The following PLAAT3 variants were observed in gnomAD, a reference collection of about 807,000 sequenced individuals.
PLAAT3 encodes the protein phospholipase A and acyltransferase 3.
Under a neutral mutation model 16.7 loss-of-function variants are expected in PLAAT3, and 21 were observed. The observed-to-expected ratio is 1.26, with a 90% confidence interval of 0.89 to 1.81. The LOEUF (loss-of-function observed/expected upper bound fraction) is 1.81. PLAAT3 is among the 40% of genes most tolerant of loss of function. The probability of loss-of-function intolerance (pLI) is 0.00; values close to 1 mark genes in which losing one functional copy is unlikely to be tolerated. For synonymous variants in PLAAT3, 76 were observed against 81.7 expected, an observed-to-expected ratio of 0.93 and a Z score of 0.38; for missense variants, 219 against 213.7, an observed-to-expected ratio of 1.02 and a Z score of -0.16.
upstream of PLAAT3, among the ~76,000 whole-genome samples, chr11:63,615,328 ATATATGTGTGTATATATGTGTG>A (rs1469532503): frequency 5.2e-4 from 6 of 11,548 alleles, 1 homozygote; most frequent in Admixed American, 4.5e-3. Flanking sequence ...ATATGTGTGT[ATATATGTGTGTATATATGTGTG>A]TATATATATG....
At chr11:63,598,276 T>G in intron 2 of PLAAT3, 113 bp from the exon 3 acceptor site, 1 of 720,568 alleles carries the variant, frequency 1.4e-6, no homozygotes, top group Non-Finnish European at 2.5e-6. Flanking sequence ...CAGCAGAACA[T>G]ATGTCCTGAG....
chr11:63,598,795 G>C, intron 2 of PLAAT3: 1 of 490,952 alleles, frequency 2.0e-6, no homozygotes, highest in Non-Finnish European at 4.0e-6. Flanking sequence ...ACTGGCATCA[G>C]TCTCCAGCAG....
intron 3 of PLAAT3, among the ~76,000 whole-genome samples, chr11:63,591,788 T>C (rs1178687958): frequency 2.0e-5 from 3 of 152,240 alleles, no homozygotes; most frequent in Admixed American, 6.5e-5. Context: ...ATTGGAGCCC[T>C]GCGTTTGTCG....
At chr11:63,596,121 G>C (rs571634887) in intron 3 of PLAAT3, among the ~76,000 whole-genome samples, 1 of 151,150 alleles carries the variant, frequency 6.6e-6, no homozygotes, top group East Asian at 2.0e-4. Context: ...GGTGCCTGTA[G>C]TCCCAGCTAC....
chr11:63,610,583 T>C (rs1411714219), intron 2 of PLAAT3, among the ~76,000 whole-genome samples: 3 of 152,176 alleles, frequency 2.0e-5, no homozygotes, highest in Non-Finnish European at 2.9e-5. Flanking sequence ...CCAACTGCTA[T>C]TTAAGAAGGG....
At chr11:63,607,109 G>A (rs1449115442) in intron 2 of PLAAT3, among the ~76,000 whole-genome samples, 1 of 152,170 alleles carries the variant, frequency 6.6e-6, no homozygotes, top group Non-Finnish European at 1.5e-5. Context: ...AATGAGGTGG[G>A]GTGTGAAGGA....
chr11:63,608,988 A>G (rs1938630757), intron 2 of PLAAT3, among the ~76,000 whole-genome samples: 1 of 152,222 alleles, frequency 6.6e-6, no homozygotes, highest in Non-Finnish European at 1.5e-5. Flanking sequence ...CTCAGTAAAT[A>G]GGGCTTGATA....
At chr11:63,605,427 G>GT (rs1938529848) in intron 2 of PLAAT3, among the ~76,000 whole-genome samples, 1 of 152,038 alleles carries the variant, frequency 6.6e-6, no homozygotes, top group Admixed American at 6.6e-5. Flanking sequence ...GTTAAAGGAA[G>GT]TTTTTTAATG....
At chr11:63,614,139 G>A (rs781431877) in intron 1 of PLAAT3, 71 bp from the exon 2 acceptor site, 7 of 1,338,550 alleles carry the variant, frequency 5.2e-6, no homozygotes, top group Non-Finnish European at 7.5e-6. Flanking sequence ...CGGGACTGCG[G>A]CTTCTGTTGG....
chr11:63,575,105 C>T, intron 4 of PLAAT3, 59 bp from the exon 5 acceptor site: 1 of 1,174,846 alleles, frequency 8.5e-7, no homozygotes. Flanking sequence ...ACAGGCTGCA[C>T]ATTCAGCAGA....
chr11:63,584,615 G>A (rs1011296854), intron 4 of PLAAT3, among the ~76,000 whole-genome samples: 3 of 150,582 alleles, frequency 2.0e-5, no homozygotes, highest in Admixed American at 6.7e-5. Flanking sequence ...CTGGGTTCAC[G>A]CCATTCTCCT....
intron 3 of PLAAT3, among the ~76,000 whole-genome samples, chr11:63,595,011 C>T (rs1260204150): frequency 1.3e-5 from 2 of 152,118 alleles, no homozygotes; most frequent in Non-Finnish European, 2.9e-5. Flanking sequence ...TGTTCAAGGG[C>T]CGTGCGCGGT....
intron 3 of PLAAT3, among the ~76,000 whole-genome samples, chr11:63,591,857 G>A (rs1277893321): frequency 4.3e-4 from 65 of 152,326 alleles, no homozygotes; most frequent in Middle Eastern, 3.4e-3. Flanking sequence ...GGGTGACAGC[G>A]CAGGGACTCG....
intron 4 of PLAAT3, among the ~76,000 whole-genome samples, chr11:63,589,389 C>G (rs1230387467): frequency 8.0e-6 from 1 of 124,758 alleles, no homozygotes; most frequent in African/African-American, 3.1e-5. Flanking sequence ...AGAACCTTCC[C>G]AATGTTCTTT....
intron 4 of PLAAT3, among the ~76,000 whole-genome samples, chr11:63,575,938 A>G (rs1364654951): frequency 6.6e-6 from 1 of 152,220 alleles, no homozygotes; most frequent in Non-Finnish European, 1.5e-5. Flanking sequence ...CTGAACGTTT[A>G]TTCTTTGCAG....
At chr11:63,593,695 C>G (rs1027385496) in intron 3 of PLAAT3, among the ~76,000 whole-genome samples, 2 of 152,086 alleles carry the variant, frequency 1.3e-5, no homozygotes, top group African/African-American at 4.8e-5. Flanking sequence ...CTGCTCGTGC[C>G]TCAGCCTCCA....
intron 4 of PLAAT3, among the ~76,000 whole-genome samples, chr11:63,584,192 A>C (rs183923369): frequency 6.6e-6 from 1 of 152,216 alleles, no homozygotes; most frequent in African/African-American, 2.4e-5. Context: ...GATTTATGTA[A>C]TATATGTATT....
chr11:63,599,810 A>G (rs980330692), intron 2 of PLAAT3, among the ~76,000 whole-genome samples: 5 of 152,150 alleles, frequency 3.3e-5, no homozygotes, highest in Non-Finnish European at 5.9e-5. Context: ...AGACAAGGAC[A>G]TAAAGACTGG....
chr11:63,607,079 C>T (rs1339356846), intron 2 of PLAAT3, among the ~76,000 whole-genome samples: 1 of 152,008 alleles, frequency 6.6e-6, no homozygotes, highest in African/African-American at 2.4e-5. Context: ...GAAGCTGCAG[C>T]CCACCGACTG....
Sources: gnomAD v4.1 joint callset for allele counts (sites outside exome capture counted in the v4.1 genomes callset) on GRCh38, gnomAD v4.1.1 for gene constraint, MANE v1.5 for transcripts, NCBI Gene and HGNC (gene_info 2026-07-23, HGNC 2026-07-21) for gene names.